Variants in ADAM2 observed in about 807,000 individuals in gnomAD.
ADAM2 encodes the protein ADAM metallopeptidase domain 2, also known as disintegrin and metalloproteinase domain-containing protein 2.
ADAM2 carries 101 observed loss-of-function variants against 99.3 expected under a neutral mutation model. That is an observed-to-expected ratio of 1.02 (90% CI 0.87 to 1.20). ADAM2 has a LOEUF of 1.20. Ranked by LOEUF, ADAM2 falls within the 50% of genes most tolerant of loss-of-function variation. ADAM2 has a pLI of 0.00. For missense variants in ADAM2, 948 were observed against 878.7 expected, an observed-to-expected ratio of 1.08 and a Z score of -1.00; for synonymous variants, 323 against 287.6, an observed-to-expected ratio of 1.12 and a Z score of -1.25.
At chr8:39,824,708 A>C (rs900472275) in intron 4 of ADAM2, 111 bp downstream of exon 4, 21 of 681,578 alleles carry the variant, frequency 3.1e-5, no homozygotes, top group Non-Finnish European at 5.5e-5. Flanking sequence ...CATTAAACTT[A>C]TGCCAAGAAG....
At chr8:39,787,139 A>C (rs1427462284) in intron 9 of ADAM2, 84 bp from the exon 10 acceptor site, 1 of 769,328 alleles carries the variant, frequency 1.3e-6, no homozygotes, top group Non-Finnish European at 2.1e-6. Context: ...CATTTATGAT[A>C]ATCATTAATA....
intron 4 of ADAM2, among the ~76,000 whole-genome samples, chr8:39,824,352 TA>T (rs149523551): frequency 1.3e-5 from 2 of 151,866 alleles, no homozygotes; most frequent in Non-Finnish European, 2.9e-5. Flanking sequence ...TATTATTTTT[TA>T]AAAAAATTAT....
At chr8:39,799,958 A>G (rs1230064732) in intron 7 of ADAM2, among the ~76,000 whole-genome samples, 1 of 152,186 alleles carries the variant, frequency 6.6e-6, no homozygotes, top group Non-Finnish European at 1.5e-5. Flanking sequence ...CAGCACACCA[A>G]TGAGTCCTGA....
chr8:39,831,265 C>T (rs1450811608), intron 3 of ADAM2, among the ~76,000 whole-genome samples: 1 of 152,062 alleles, frequency 6.6e-6, no homozygotes, highest in Non-Finnish European at 1.5e-5. Flanking sequence ...AACTATATCT[C>T]AGGCAGATGT....
chr8:39,747,215 C>T (rs1823506959), intron 18 of ADAM2, among the ~76,000 whole-genome samples: 1 of 152,130 alleles, frequency 6.6e-6, no homozygotes, highest in Middle Eastern at 3.2e-3. Context: ...CTGTTTCTTG[C>T]CTATAGTTGA....
intron 10 of ADAM2, among the ~76,000 whole-genome samples, chr8:39,781,073 A>G (rs902934692): frequency 1.4e-4 from 21 of 149,532 alleles, no homozygotes; most frequent in African/African-American, 4.0e-4. Context: ...CAGTGGCGCC[A>G]TCTTGGCTCA....
intron 16 of ADAM2, among the ~76,000 whole-genome samples, chr8:39,755,180 A>G (rs936131031): frequency 6.6e-6 from 1 of 152,214 alleles, no homozygotes; most frequent in Non-Finnish European, 1.5e-5. Context: ...AAATACAGTA[A>G]ATGAACAACG....
At chr8:39,830,219 T>A (rs1210388454) in intron 3 of ADAM2, among the ~76,000 whole-genome samples, 1 of 152,174 alleles carries the variant, frequency 6.6e-6, no homozygotes, top group Non-Finnish European at 1.5e-5. Context: ...AAAGGAGACC[T>A]ATTTCCCAGT....
chr8:39,744,673 T>C (rs908561066), intron 20 of ADAM2, among the ~76,000 whole-genome samples, 157 bp downstream of exon 20: 1 of 152,038 alleles, frequency 6.6e-6, no homozygotes, highest in Non-Finnish European at 1.5e-5. Flanking sequence ...TTGAGACCAA[T>C]ACCTAATGCA....
chr8:39,815,948 C>G (rs1293024510), intron 6 of ADAM2, among the ~76,000 whole-genome samples: 1 of 151,944 alleles, frequency 6.6e-6, no homozygotes, highest in Non-Finnish European at 1.5e-5. Flanking sequence ...GATATCAGTT[C>G]ACACATAATA....
At chr8:39,750,378 G>A (rs1823683871) in intron 16 of ADAM2, among the ~76,000 whole-genome samples, 1 of 151,918 alleles carries the variant, frequency 6.6e-6, no homozygotes, top group Admixed American at 6.6e-5. Context: ...GAGAGAAACA[G>A]ACAAAAAACT....
intron 14 of ADAM2, among the ~76,000 whole-genome samples, chr8:39,765,173 G>T (rs1256338701): frequency 1.3e-5 from 2 of 152,094 alleles, no homozygotes; most frequent in Admixed American, 6.5e-5. Flanking sequence ...GAAAGCTAAG[G>T]CTGTCTTATA....
chr8:39,820,385 C>T lies in ADAM2; in HGVS notation c.513+617G>A, dbSNP rs192872712. Among the ~76,000 whole-genome samples the T allele has an allele frequency of 2.0e-5, 3 of 152,222 alleles. 1 individual carries two copies. The East Asian group carries it at 5.8e-4, about 29-fold the overall frequency. ...ATGAATTACAGTGCAAACTGAATTC[C>T]TAACCTCCCATGGTACTGCCGTCAA... On this transcript the variant is annotated intron_variant, in intron 6 of 20. Transcript: ENST00000265708.
chr8:39,801,040 C>T (rs1482554656), intron 7 of ADAM2, among the ~76,000 whole-genome samples: 3 of 152,112 alleles, frequency 2.0e-5, no homozygotes, highest in South Asian at 2.1e-4. Context: ...TCCTCTGTGC[C>T]AGTTCTGTGC....
At chr8:39,755,686 C>G (rs1036192531) in intron 16 of ADAM2, 42 bp downstream of exon 16, 1 of 1,511,230 alleles carries the variant, frequency 6.6e-7, no homozygotes, top group African/African-American at 1.4e-5. Context: ...AGGGCAAAGT[C>G]TAAAATATTA....
At chr8:39,806,452 A>G (rs1804446326) in intron 7 of ADAM2, among the ~76,000 whole-genome samples, 3 of 149,024 alleles carry the variant, frequency 2.0e-5, no homozygotes. Flanking sequence ...ACAAAGTATG[A>G]CACATAATAA....
At chr8:39,835,818 G>T (rs201030809) in intron 2 of ADAM2, among the ~76,000 whole-genome samples, 6 of 151,706 alleles carry the variant, frequency 4.0e-5, no homozygotes, top group Admixed American at 2.6e-4. Flanking sequence ...TAATAGCCTA[G>T]TTTGTTTTAA....
At chr8:39,837,053 G>C in intron 2 of ADAM2, 83 bp downstream of exon 2, 1 of 1,088,574 alleles carries the variant, frequency 9.2e-7, no homozygotes, top group Non-Finnish European at 1.3e-6. Flanking sequence ...AGGTGTGCAT[G>C]AATGAAAAAT....
At chr8:39,768,050 G>A (rs1253914068) in intron 12 of ADAM2, among the ~76,000 whole-genome samples, 1 of 152,034 alleles carries the variant, frequency 6.6e-6, no homozygotes, top group Non-Finnish European at 1.5e-5. Flanking sequence ...ATACTTGGAA[G>A]CACAGAGTTG....
Sources: gnomAD v4.1 joint callset for allele counts (sites outside exome capture counted in the v4.1 genomes callset) on GRCh38, gnomAD v4.1.1 for gene constraint, MANE v1.5 for transcripts, NCBI Gene and HGNC (gene_info 2026-07-23, HGNC 2026-07-21) for gene names.